Variants in ADGRV1 observed in about 807,000 individuals in gnomAD.
ADGRV1 encodes the protein adhesion G protein-coupled receptor V1.
Under a neutral mutation model 596.2 loss-of-function variants are expected in ADGRV1, and 359 were observed. The ratio of observed to expected loss-of-function variants is 0.60; its 90% CI spans 0.55 to 0.66. The LOEUF (loss-of-function observed/expected upper bound fraction) is 0.66. Among genes scored for constraint, ADGRV1 ranks in the 30% least tolerant of loss-of-function variants. The probability of loss-of-function intolerance (pLI) is 0.00; values close to 1 mark genes in which losing one functional copy is unlikely to be tolerated. For synonymous variants in ADGRV1, 2,681 were observed against 2,679.2 expected, an observed-to-expected ratio of 1.00 and a Z score of -0.02; for missense variants, 7,274 against 7,575.6, an observed-to-expected ratio of 0.96 and a Z score of 1.48.
At chr5:91,162,876 G>A (rs1412763257) in intron 89 of ADGRV1, among the ~76,000 whole-genome samples, 3 of 152,116 alleles carry the variant, frequency 2.0e-5, no homozygotes, top group African/African-American at 2.4e-5. Context: ...CTGAGCAACC[G>A]GTTTTTCACT....
rs533262087 is a variant in ADGRV1, at chr5:90,595,930, G to A, written c.23-18905G>A. ...CTCCCGGATGGGGTGGCTGCCGGGC[G>A]GAGACGCTCCTCACTTCCCAGACGG... is the stretch of plus-strand genomic sequence containing the variant. On this transcript the variant is annotated intron_variant, in intron 1 of 89. Coordinates refer to ENST00000405460, the MANE Select transcript of ADGRV1 (RefSeq NM_032119.4). 1.1e-3 allele frequency among the ~76,000 whole-genome samples: 166 copies of A among 147,924 alleles called. 1 individual carries two copies. The highest frequency in any genetic ancestry group is 3.8e-3 in the African/African-American group (153 of 40,076).
intron 1 of ADGRV1, among the ~76,000 whole-genome samples, chr5:90,607,333 C>T (rs939821007): frequency 6.6e-6 from 1 of 152,110 alleles, no homozygotes; most frequent in Non-Finnish European, 1.5e-5. Flanking sequence ...GGGGAGAAAA[C>T]TGCTGCAGGA....
intron 83 of ADGRV1, among the ~76,000 whole-genome samples, chr5:90,893,680 T>G (rs1771039353): frequency 6.6e-6 from 1 of 152,238 alleles, no homozygotes; most frequent in Non-Finnish European, 1.5e-5. Flanking sequence ...TTAATAATTT[T>G]GGAACAAAAG....
intron 1 of ADGRV1, among the ~76,000 whole-genome samples, chr5:90,574,656 G>C (rs1256882976): frequency 6.6e-6 from 1 of 152,182 alleles, no homozygotes; most frequent in Non-Finnish European, 1.5e-5. Flanking sequence ...ATTAGTTTCA[G>C]TGGGATTGAT....
intron 86 of ADGRV1, among the ~76,000 whole-genome samples, chr5:91,091,994 C>T (rs1043320448): frequency 1.3e-5 from 2 of 152,124 alleles, no homozygotes; most frequent in African/African-American, 4.8e-5. Context: ...GTCAAGTTGA[C>T]CCATAAAAGT....
At chr5:90,645,204 G>A (rs982212307) in intron 15 of ADGRV1, among the ~76,000 whole-genome samples, 1 of 152,164 alleles carries the variant, frequency 6.6e-6, no homozygotes, top group Non-Finnish European at 1.5e-5. Flanking sequence ...TCTCAGCACC[G>A]GGACACGGGG....
chr5:90,713,092 G>A (rs1749595887), intron 42 of ADGRV1, among the ~76,000 whole-genome samples: 1 of 152,086 alleles, frequency 6.6e-6, no homozygotes, highest in African/African-American at 2.4e-5. Flanking sequence ...TGATAGACAA[G>A]CCAAATGAAT....
chr5:91,074,826 C>T (rs1009485448), intron 86 of ADGRV1, among the ~76,000 whole-genome samples: 1 of 152,174 alleles, frequency 6.6e-6, no homozygotes, highest in African/African-American at 2.4e-5. Context: ...TTCGCTACAG[C>T]CTTGCCAGCA....
intron 83 of ADGRV1, among the ~76,000 whole-genome samples, chr5:90,934,373 A>G (rs1775503281): frequency 6.6e-6 from 1 of 152,114 alleles, no homozygotes; most frequent in Admixed American, 6.6e-5. Context: ...AACCAGAGGG[A>G]AAAAAACCTT....
intron 86 of ADGRV1, among the ~76,000 whole-genome samples, chr5:91,098,955 T>C (rs919551905): frequency 1.3e-5 from 2 of 152,264 alleles, no homozygotes; most frequent in Non-Finnish European, 2.9e-5. Context: ...GAAAATTTTG[T>C]GAGCACAGCT....
intron 29 of ADGRV1, among the ~76,000 whole-genome samples, chr5:90,687,166 G>T (rs1359463694): frequency 6.6e-6 from 1 of 152,150 alleles, no homozygotes; most frequent in African/African-American, 2.4e-5. Context: ...TAAGTTGCCT[G>T]TTCACTGTGA....
intron 83 of ADGRV1, among the ~76,000 whole-genome samples, chr5:90,868,343 G>A (rs1329123265): frequency 6.6e-6 from 1 of 151,868 alleles, no homozygotes; most frequent in East Asian, 1.9e-4. Flanking sequence ...CTGCACACTT[G>A]TATCTTTCCC....
intron 1 of ADGRV1, among the ~76,000 whole-genome samples, chr5:90,595,117 A>G (rs1580383625): frequency 8.9e-6 from 1 of 112,172 alleles, no homozygotes; most frequent in African/African-American, 3.9e-5. Context: ...CGGGGGGCTG[A>G]CCCCCCCACC....
rs755790766 is a variant in ADGRV1 at position 90,840,614 on chromosome 5, A to G, written c.16648A>G (p.Ile5550Val). The change falls in exon 78 of 90, where the codon ATA (isoleucine) becomes GTA (valine). Residue 5550 changes from isoleucine to valine, a missense_variant. By Grantham distance (29) the Ile-to-Val change is conservative. This residue lies in a region of ADGRV1 where 1,874 missense variants were observed against 1,970.2 expected (regional missense o/e 0.95). Coordinates refer to ENST00000405460, the MANE Select transcript of ADGRV1 (RefSeq NM_032119.4). ...RSAETIGRTI[I>V]SPAISGKDFV... ...TGCTGAAACAATTGGTCGTACCATC[A>G]TATCTCCAGCTATTTCTGGAAAGGA... 9 of 1,612,546 alleles carry G rather than the reference A, an allele frequency of 5.6e-6. No homozygotes were observed. Among genetic ancestry groups the G allele is most frequent in the Non-Finnish European group, 7.6e-6 (9 of 1,178,890 alleles).
Position 90,643,060 on chromosome 5 carries a change from T to C in ADGRV1, c.2553+19T>C, listed in dbSNP as rs1767204287. ...ACCAGAGGTATGGGATTTTATATTTTCTTTGTGTTTCTCTGTAAGATTGAT... is the reference window on the plus strand; with the variant it reads ...ACCAGAGGTATGGGATTTTATATTTCCTTTGTGTTTCTCTGTAAGATTGAT... On this transcript the variant is annotated intron_variant, in intron 13 of 89. Coordinates refer to ENST00000405460, the MANE Select transcript of ADGRV1 (RefSeq NM_032119.4). 6.3e-7 allele frequency: 1 copy of C among 1,587,054 alleles called. No individual in the cohort carries two copies.
chr5:90,936,566 CTTA>C (rs1236826208), intron 83 of ADGRV1, among the ~76,000 whole-genome samples: 5 of 151,728 alleles, frequency 3.3e-5, no homozygotes, highest in Non-Finnish European at 7.4e-5. Flanking sequence ...ATTTTATCTT[CTTA>C]TTATTTATTT....
intron 58 of ADGRV1, chr5:90,759,830 T>C (rs1207742389): frequency 6.9e-6 from 3 of 432,424 alleles, no homozygotes; most frequent in Non-Finnish European, 1.3e-5. Context: ...CTGGGCGTGG[T>C]GGCACATGCC....
At chr5:90,699,453 G>C (rs1016734621) in intron 34 of ADGRV1, among the ~76,000 whole-genome samples, 25 of 152,104 alleles carry the variant, frequency 1.6e-4, no homozygotes, top group Non-Finnish European at 2.1e-4. Flanking sequence ...CAAAGTATTA[G>C]TGGTATGGAA....
rs746675531 is a variant in ADGRV1, at chr5:90,652,572, T to C, written c.3634+9T>C. On this transcript the variant is annotated intron_variant, in intron 19 of 89. Coordinates refer to ENST00000405460, the MANE Select transcript of ADGRV1 (RefSeq NM_032119.4). ...ACTTGTAAACATTTCAGGTACTGTG[T>C]TTTTCCATGTCTTATTTTATTTCCA... 2.6e-6 allele frequency: 4 copies of C among 1,523,258 alleles called. No homozygotes were observed. Among genetic ancestry groups the C allele is most frequent in the Non-Finnish European group, 3.6e-6 (4 of 1,111,056 alleles). The allele number at this position is 1,523,258 out of a possible 1,614,324, so 94.4% of individuals were successfully genotyped here. A position where few individuals can be genotyped will look rare whatever the true frequency, so the allele number is the denominator to read the frequency against.
Sources: allele counts gnomAD v4.1 joint callset (sites outside exome capture counted in the v4.1 genomes callset), GRCh38; gene constraint gnomAD v4.1.1; regional missense constraint gnomAD v4.1.1; transcripts MANE v1.5; gene names NCBI Gene and HGNC (gene_info 2026-07-23, HGNC 2026-07-21).